ARAP2: variants seen among roughly 807,000 people sequenced by gnomAD.
ARAP2 encodes ArfGAP with RhoGAP domain, ankyrin repeat and PH domain 2.
Under a neutral mutation model 194.5 loss-of-function variants are expected in ARAP2, and 148 were observed. The ratio of observed to expected loss-of-function variants is 0.76; its 90% CI spans 0.67 to 0.87. The LOEUF (loss-of-function observed/expected upper bound fraction) is 0.87, where lower values mean the gene tolerates loss of function less well. Among genes scored for constraint, ARAP2 ranks in the 40% least tolerant of loss-of-function variants. The pLI is 0.00. For missense variants in ARAP2, 2,128 were observed against 1,989.7 expected (o/e 1.07, Z -1.32); for synonymous variants, 695 against 683.5 (o/e 1.02, Z -0.26).
chr4:36,059,678 C>A (rs1724090914), intron 1 of ARAP2, among the ~76,000 whole-genome samples: 1 of 152,046 alleles, frequency 6.6e-6, no homozygotes, highest in Admixed American at 6.6e-5. Context: ...TTAGGCTACC[C>A]AGTAAAGGAA....
intron 15 of ARAP2, among the ~76,000 whole-genome samples, chr4:36,156,391 GAAAGAA>G (rs1459736922): frequency 1.1e-5 from 1 of 95,180 alleles, no homozygotes. Context: ...GAGAGAGAGA[GAAAGAA>G]AGAAAGAAAG....
In ARAP2 at chr4:36,213,306, C is replaced by A. The variant is rs752381896; in HGVS notation, c.978G>T (p.Glu326Asp). ...KSVAWQNSNE[E>D]NSSSIFPYGE... ...CATAAGGAAAGATGGAAGATGAATT[C>A]TCCTCATTTGAATCTTTTAGGGGAA... is the stretch of plus-strand genomic sequence containing the variant. The change falls in exon 4 of 33, where the codon GAG becomes GAT. Residue 326 changes from glutamate (E) to aspartate (D), a missense_variant. Coordinates refer to ENST00000303965, the MANE Select transcript of ARAP2 (RefSeq NM_015230.4). The A allele has an allele frequency of 3.5e-5, 57 of 1,605,848 alleles. No homozygotes were observed. The highest frequency in any genetic ancestry group is 4.5e-5 in the Non-Finnish European group (53 of 1,173,322).
At chr4:36,059,021 A>C (rs921685921) in intron 1 of ARAP2, among the ~76,000 whole-genome samples, 4 of 151,918 alleles carry the variant, frequency 2.6e-5, no homozygotes, top group Non-Finnish European at 5.9e-5. Flanking sequence ...AGAAACAGTT[A>C]AGTGAAAAGT....
intron 32 of ARAP2, among the ~76,000 whole-genome samples, chr4:36,070,412 A>G (rs1726567101): frequency 6.6e-6 from 1 of 152,230 alleles, no homozygotes. Context: ...CTGAAAGTGG[A>G]AGAGCAAGAG....
rs543208007 is a variant in ARAP2, at chr4:36,044,886, G to A, written n.607+1093C>T. On this transcript the variant is annotated intron_variant and non_coding_transcript_variant, in intron 5 of 12. Coordinates refer to the ARAP2 transcript ENST00000503225. ...CCCTGCTAAAAAAAAAATGACCAAA[G>A]AACCTGAATAGACATTTCTCAAAAG... Among the ~76,000 whole-genome samples the A allele has an allele frequency of 2.0e-5, 3 of 151,026 alleles. No homozygotes were observed. The East Asian group carries it at 5.8e-4, about 29-fold the overall frequency.
chr4:36,201,901 T>C (rs1380091082), intron 6 of ARAP2, among the ~76,000 whole-genome samples: 3 of 152,138 alleles, frequency 2.0e-5, no homozygotes, highest in Non-Finnish European at 2.9e-5. Context: ...AGCTACCAAA[T>C]TGTCACCTTT....
At chr4:36,121,105 C>T (rs933904603) in intron 23 of ARAP2, 74 bp downstream of exon 23, 3 of 1,167,028 alleles carry the variant, frequency 2.6e-6, no homozygotes, top group Non-Finnish European at 3.6e-6. Flanking sequence ...TAATAACACC[C>T]TACAACATAA....
chr4:36,207,420 T>C (rs2109255626), intron 6 of ARAP2, among the ~76,000 whole-genome samples: 1 of 152,372 alleles, frequency 6.6e-6, no homozygotes, highest in African/African-American at 2.4e-5. Context: ...AGGGATGTTA[T>C]ATTTAGGTCA....
chr4:36,165,879 C>G (rs889794798), intron 10 of ARAP2, among the ~76,000 whole-genome samples: 1 of 152,110 alleles, frequency 6.6e-6, no homozygotes, highest in Non-Finnish European at 1.5e-5. Flanking sequence ...TAAAGAGGAA[C>G]ATGCTTTGAA....
At chr4:36,143,522 C>T (rs957601325) in intron 19 of ARAP2, among the ~76,000 whole-genome samples, 3 of 151,546 alleles carry the variant, frequency 2.0e-5, no homozygotes, top group African/African-American at 7.3e-5. Context: ...GAATTATTTT[C>T]CTCAATACCA....
chr4:36,027,813 A>G (rs1283822066), intron 5 of ARAP2, among the ~76,000 whole-genome samples: 1 of 152,188 alleles, frequency 6.6e-6, no homozygotes, highest in Non-Finnish European at 1.5e-5. Context: ...TTATTTAACA[A>G]TAATTCCTTG....
At chr4:36,218,792 C>T (rs1333879043) in intron 2 of ARAP2, among the ~76,000 whole-genome samples, 2 of 151,986 alleles carry the variant, frequency 1.3e-5, no homozygotes, top group East Asian at 3.9e-4. Flanking sequence ...TATGCAGAGG[C>T]AGAAAGATAT....
intron 27 of ARAP2, among the ~76,000 whole-genome samples, chr4:36,100,270 T>C (rs904059861): frequency 6.6e-6 from 1 of 152,110 alleles, no homozygotes; most frequent in Non-Finnish European, 1.5e-5. Flanking sequence ...GAACTATTGT[T>C]ATCTCTCACA....
rs770566996 is a variant in ARAP2, at chr4:36,229,558, T to C, written c.-72A>G. On this transcript the variant is annotated 5_prime_UTR_variant, in exon 2 of 33. Coordinates refer to ENST00000303965, the MANE Select transcript of ARAP2 (RefSeq NM_015230.4). ...AGACACACACACAAGAAGATGTACT[T>C]CTCTACTGGCTTTTCCTCTATCAAT... 8.2e-7 allele frequency: 1 copy of C among 1,215,030 alleles called. No individual in the cohort carries two copies. Among genetic ancestry groups the C allele is most frequent in the Non-Finnish European group, 1.1e-6 (1 of 870,254 alleles). 75.3% of individuals were successfully genotyped at this position (1,215,030 alleles called of 1,614,324 possible).
chr4:36,096,011 T>C (rs1170973171), intron 27 of ARAP2, among the ~76,000 whole-genome samples: 1 of 152,056 alleles, frequency 6.6e-6, no homozygotes, highest in Non-Finnish European at 1.5e-5. Flanking sequence ...ATTAAGGTGA[T>C]AGAACTTTAA....
At chr4:36,234,703 T>C (rs888416838) in intron 1 of ARAP2, among the ~76,000 whole-genome samples, 1 of 152,204 alleles carries the variant, frequency 6.6e-6, no homozygotes, top group Non-Finnish European at 1.5e-5. Flanking sequence ...AGGGCTACTG[T>C]GATAATTAAA....
intron 27 of ARAP2, among the ~76,000 whole-genome samples, chr4:36,103,856 AAG>A (rs1717671033): frequency 6.6e-6 from 1 of 151,950 alleles, no homozygotes; most frequent in Admixed American, 6.6e-5. Flanking sequence ...CAGATAAAGA[AAG>A]AAAATTGAGA....
At chr4:36,141,532 A>C (rs1178714437) in intron 19 of ARAP2, among the ~76,000 whole-genome samples, 1 of 151,686 alleles carries the variant, frequency 6.6e-6, no homozygotes, top group Non-Finnish European at 1.5e-5. Flanking sequence ...ATGAAGATTA[A>C]AATATCTATC....
At chr4:36,023,675 T>A (rs1401145033) in intron 5 of ARAP2, among the ~76,000 whole-genome samples, 1 of 152,204 alleles carries the variant, frequency 6.6e-6, no homozygotes, top group Non-Finnish European at 1.5e-5. Flanking sequence ...TGATATTTAT[T>A]GAATTTCAGC....
Sources: allele counts gnomAD v4.1 joint callset (sites outside exome capture counted in the v4.1 genomes callset), GRCh38; gene constraint gnomAD v4.1.1; transcripts MANE v1.5; gene names NCBI Gene and HGNC (gene_info 2026-07-23, HGNC 2026-07-21).